The following RAPGEF5 variants were observed in gnomAD, a reference collection of about 807,000 sequenced individuals.
RAPGEF5 encodes the protein M-Ras-regulated GEF.
A neutral mutation model predicts 125.2 loss-of-function variants in RAPGEF5; 65 were observed. That is an observed-to-expected ratio of 0.52 (90% CI 0.43 to 0.64). RAPGEF5 has a LOEUF of 0.64. RAPGEF5 is among the 30% of genes least tolerant of loss of function. The probability of loss-of-function intolerance (pLI) is 0.00; values close to 1 mark genes in which losing one functional copy is unlikely to be tolerated. For missense variants in RAPGEF5, 958 were observed against 1,048.1 expected (o/e 0.91, Z 1.19); for synonymous variants, 391 against 385.9 (o/e 1.01, Z -0.16).
At chr7:22,274,762 A>G (rs1782518164) in intron 6 of RAPGEF5, among the ~76,000 whole-genome samples, 1 of 152,278 alleles carries the variant, frequency 6.6e-6, no homozygotes, top group African/African-American at 2.4e-5. Context: ...TCTCCTACTC[A>G]GGCCTCTGTC....
chr7:22,353,553 G>C (rs1279035875), intron 1 of RAPGEF5, among the ~76,000 whole-genome samples: 2 of 152,072 alleles, frequency 1.3e-5, no homozygotes, highest in African/African-American at 4.8e-5. Flanking sequence ...AACAAGACTG[G>C]CAAAATGCTA....
intron 11 of RAPGEF5, among the ~76,000 whole-genome samples, chr7:22,178,374 T>C (rs1283784921): frequency 6.6e-6 from 1 of 152,194 alleles, no homozygotes. Flanking sequence ...TACCTGGAGA[T>C]AGCACAGACC....
At chr7:22,319,046 T>C (rs118019191) in intron 1 of RAPGEF5, among the ~76,000 whole-genome samples, 3 of 152,332 alleles carry the variant, frequency 2.0e-5, no homozygotes, top group Non-Finnish European at 4.4e-5. Context: ...GCTGAATGAT[T>C]TGAATTGTAG....
chr7:22,303,043 A>G (rs537998382), intron 5 of RAPGEF5, among the ~76,000 whole-genome samples: 39 of 152,348 alleles, frequency 2.6e-4, no homozygotes, highest in Admixed American at 2.2e-3. Context: ...GGGAGCTGCT[A>G]TAACCACAGC....
At chr7:22,305,441 T>C (rs1783314102) in intron 5 of RAPGEF5, among the ~76,000 whole-genome samples, 1 of 152,106 alleles carries the variant, frequency 6.6e-6, no homozygotes, top group South Asian at 2.1e-4. Flanking sequence ...ACAGAGTAGG[T>C]ATATATATTT....
chr7:22,257,537 T>C (rs1347771825), intron 7 of RAPGEF5, among the ~76,000 whole-genome samples: 1 of 152,232 alleles, frequency 6.6e-6, no homozygotes, highest in Non-Finnish European at 1.5e-5. Flanking sequence ...CAGCTTATAG[T>C]TTGTGCCCAG....
intron 8 of RAPGEF5, among the ~76,000 whole-genome samples, chr7:22,221,471 T>G (rs561828677): frequency 1.1e-4 from 16 of 152,340 alleles, no homozygotes; most frequent in Admixed American, 3.3e-4. Context: ...TCTCCAGATA[T>G]ATATCTGATA....
At chr7:22,227,729 C>T (rs1785954985) in intron 8 of RAPGEF5, among the ~76,000 whole-genome samples, 1 of 152,000 alleles carries the variant, frequency 6.6e-6, no homozygotes, top group Non-Finnish European at 1.5e-5. Flanking sequence ...GTTGTCCCAG[C>T]TACTCAAGAG....
intron 6 of RAPGEF5, among the ~76,000 whole-genome samples, chr7:22,284,792 A>T (rs1343314931): frequency 6.6e-6 from 1 of 152,180 alleles, no homozygotes; most frequent in Non-Finnish European, 1.5e-5. Flanking sequence ...TCCAGGAAGA[A>T]AAAGGCAGAT....
chr7:22,220,060 G>T (rs771454841), intron 8 of RAPGEF5, 69 bp from the exon 9 acceptor site: 1 of 1,544,680 alleles, frequency 6.5e-7, no homozygotes, highest in South Asian at 1.2e-5. Flanking sequence ...CCACCGCAAA[G>T]TTCACCTTAT....
intron 1 of RAPGEF5, among the ~76,000 whole-genome samples, chr7:22,341,855 G>T (rs1326309960): frequency 6.6e-6 from 1 of 152,216 alleles, no homozygotes; most frequent in Non-Finnish European, 1.5e-5. Context: ...TTCACAGGCT[G>T]GTGTTGAATG....
At chr7:22,275,260 C>T (rs1248717407) in intron 6 of RAPGEF5, among the ~76,000 whole-genome samples, 2 of 152,210 alleles carry the variant, frequency 1.3e-5, no homozygotes, top group Non-Finnish European at 2.9e-5. Context: ...CTAATGAAAT[C>T]TCCTCTTTAG....
At chr7:22,150,551 G>C (rs1194908997) in intron 17 of RAPGEF5, 47 bp from the exon 18 acceptor site, 1 of 1,508,786 alleles carries the variant, frequency 6.6e-7, no homozygotes, top group Admixed American at 2.0e-5. Flanking sequence ...AGAAATACAA[G>C]AGTAGCAGCA....
intron 17 of RAPGEF5, among the ~76,000 whole-genome samples, chr7:22,154,140 T>C (rs1783722646): frequency 6.6e-6 from 1 of 152,176 alleles, no homozygotes; most frequent in Non-Finnish European, 1.5e-5. Flanking sequence ...TTTCACTCTT[T>C]AGCAATTTCC....
At chr7:22,274,067 C>A (rs1200385839) in intron 6 of RAPGEF5, among the ~76,000 whole-genome samples, 1 of 152,154 alleles carries the variant, frequency 6.6e-6, no homozygotes, top group African/African-American at 2.4e-5. Context: ...GCATCCCATG[C>A]TCCAGGTTTT....
At chr7:22,338,936 C>T (rs940333941) in intron 1 of RAPGEF5, among the ~76,000 whole-genome samples, 8 of 152,118 alleles carry the variant, frequency 5.3e-5, no homozygotes, top group African/African-American at 1.9e-4. Context: ...TGATCAGAGC[C>T]AGCACCAGGG....
chr7:22,305,314 A>G (rs1783311369), intron 5 of RAPGEF5, among the ~76,000 whole-genome samples: 1 of 152,182 alleles, frequency 6.6e-6, no homozygotes, highest in Non-Finnish European at 1.5e-5. Flanking sequence ...TTCTATTAGC[A>G]CAGTCTCATC....
intron 14 of RAPGEF5, among the ~76,000 whole-genome samples, chr7:22,158,177 C>T (rs1328938258): frequency 1.3e-5 from 2 of 151,880 alleles, no homozygotes; most frequent in Non-Finnish European, 2.9e-5. Flanking sequence ...TCCATGGGAA[C>T]TCAGTCCACA....
intron 7 of RAPGEF5, among the ~76,000 whole-genome samples, chr7:22,260,730 C>T (rs1263283580): frequency 1.3e-5 from 2 of 151,788 alleles, no homozygotes; most frequent in East Asian, 3.9e-4. Context: ...TTTAAAAAAT[C>T]CCTATAGAGA....
Sources: allele counts gnomAD v4.1 joint callset (sites outside exome capture counted in the v4.1 genomes callset), GRCh38; gene constraint gnomAD v4.1.1; transcripts MANE v1.5; gene names NCBI Gene and HGNC (gene_info 2026-07-23, HGNC 2026-07-21).